The following CDH13 variants were observed in gnomAD, a reference collection of about 807,000 sequenced individuals.
CDH13 encodes the protein cadherin 13, also known as cadherin-13.
In CDH13, 24 loss-of-function variants were observed where a neutral mutation model predicts 63.8. The observed-to-expected ratio is 0.38, with a 90% CI of 0.27 to 0.53. The LOEUF is 0.53. Among genes scored for constraint, CDH13 ranks in the 20% least tolerant of loss-of-function variants. CDH13 has a pLI of 0.85. For synonymous variants in CDH13, 503 were observed against 355.3 expected (o/e 1.42, Z -4.67); for missense variants, 1,049 against 903.1 (o/e 1.16, Z -2.07).
At chr16:83,722,314 A>G (rs958335289) in intron 10 of CDH13, among the ~76,000 whole-genome samples, 22 of 152,358 alleles carry the variant, frequency 1.4e-4, no homozygotes, top group East Asian at 5.8e-4. Flanking sequence ...TGCCAGCTAC[A>G]TATGTACAGT....
intron 5 of CDH13, among the ~76,000 whole-genome samples, chr16:83,329,595 G>A (rs1349273225): frequency 6.6e-6 from 1 of 152,080 alleles, no homozygotes; most frequent in African/African-American, 2.4e-5. Flanking sequence ...GTATATTTCA[G>A]TAGTGTTAAA....
At chr16:82,803,192 C>G (rs1398558008) in intron 1 of CDH13, among the ~76,000 whole-genome samples, 2 of 152,206 alleles carry the variant, frequency 1.3e-5, no homozygotes, top group African/African-American at 2.4e-5. Context: ...GCTTACCTAC[C>G]ATGTCTTTGT....
At chr16:83,345,395 A>C (rs964911323) in intron 6 of CDH13, among the ~76,000 whole-genome samples, 2 of 152,206 alleles carry the variant, frequency 1.3e-5, no homozygotes, top group African/African-American at 4.8e-5. Flanking sequence ...TTCTTTTCAC[A>C]GTGGCCTTTT....
rs1037528146 is a variant in CDH13, at chr16:83,798,025, A to T, written c.*2995A>T. On this transcript the variant is annotated 3_prime_UTR_variant, in exon 14 of 14. Coordinates refer to ENST00000567109, the MANE Select transcript of CDH13 (RefSeq NM_001257.5). Reference sequence around the variant, plus strand: ...TTGGCCGACACCAGCAAATCTAAGCATTATAACGAAATAAATCCAGCCAGA... The same window carrying T: ...TTGGCCGACACCAGCAAATCTAAGCTTTATAACGAAATAAATCCAGCCAGA... 4 of 152,246 alleles carry T rather than the reference A, an allele frequency of 2.6e-5. No individual in the cohort carries two copies. Among genetic ancestry groups the T allele is most frequent in the African/African-American group, 9.6e-5 (4 of 41,458 alleles). The allele number at this position is 152,246 out of a possible 1,614,324, so 9.4% of individuals were successfully genotyped here.
chr16:82,852,638 A>G (rs1209985439), intron 1 of CDH13, among the ~76,000 whole-genome samples: 2 of 152,220 alleles, frequency 1.3e-5, no homozygotes, highest in African/African-American at 4.8e-5. Flanking sequence ...GACAGTTCTT[A>G]TAGCTTGAAA....
chr16:82,689,411 A>T (rs1366817487), intron 1 of CDH13, among the ~76,000 whole-genome samples: 2 of 152,212 alleles, frequency 1.3e-5, no homozygotes, highest in African/African-American at 4.8e-5. Context: ...GACTATCATT[A>T]TCATAGTCAG....
chr16:83,060,695 G>A (rs2031459261), intron 3 of CDH13, among the ~76,000 whole-genome samples: 1 of 152,198 alleles, frequency 6.6e-6, no homozygotes, highest in African/African-American at 2.4e-5. Flanking sequence ...TCACCTCACT[G>A]TGCAAATACA....
intron 1 of CDH13, among the ~76,000 whole-genome samples, chr16:82,805,993 A>C (rs755970402): frequency 2.0e-5 from 3 of 152,096 alleles, no homozygotes; most frequent in African/African-American, 7.2e-5. Flanking sequence ...CTAGGTTTCT[A>C]TCTAATTTTC....
chr16:83,253,842 AAT>A (rs1308977460), intron 5 of CDH13, among the ~76,000 whole-genome samples: 2 of 152,204 alleles, frequency 1.3e-5, no homozygotes, highest in Non-Finnish European at 2.9e-5. Context: ...ATATTAATAT[AAT>A]TAGGAAAGTG....
chr16:83,678,420 G>A lies in CDH13; in HGVS notation c.1497G>A (p.Val499=). 6.2e-7 allele frequency: 1 copy of A among 1,614,000 alleles called. No individual in the cohort carries two copies. Residue 499 remains valine, a synonymous_variant, in exon 10 of 14, where the codon GTG becomes GTA. Transcript: ENST00000567109. ...CTGTGGGCAGCGTGCTGCTGACAGT[G>A]AATGCCACGGACCCCGACTCCCTGC... ...DLSVGSVLLT[V]NATDPDSLQH... is the part of the protein sequence containing the mutation.
At chr16:83,052,302 A>G (rs1158313637) in intron 3 of CDH13, among the ~76,000 whole-genome samples, 1 of 152,244 alleles carries the variant, frequency 6.6e-6, no homozygotes, top group African/African-American at 2.4e-5. Context: ...TTCTTTGGCA[A>G]GAAGCAGCAC....
intron 5 of CDH13, among the ~76,000 whole-genome samples, chr16:83,320,399 C>T (rs950815750): frequency 1.3e-5 from 2 of 152,104 alleles, no homozygotes; most frequent in Admixed American, 1.3e-4. Flanking sequence ...GTCCCAAGAC[C>T]AATCTAGGAA....
intron 2 of CDH13, among the ~76,000 whole-genome samples, chr16:82,860,701 A>G (rs1439689242): frequency 6.6e-6 from 1 of 152,154 alleles, no homozygotes; most frequent in Non-Finnish European, 1.5e-5. Context: ...TCTCAAAGCA[A>G]TGAACATATT....
At chr16:83,788,096 C>T (rs758206891) in intron 13 of CDH13, among the ~76,000 whole-genome samples, 1 of 152,206 alleles carries the variant, frequency 6.6e-6, no homozygotes, top group Admixed American at 6.5e-5. Flanking sequence ...TGTGCACGCA[C>T]GTGTGTGTAC....
At chr16:82,804,112 C>T (rs987715806) in intron 1 of CDH13, among the ~76,000 whole-genome samples, 1 of 148,006 alleles carries the variant, frequency 6.8e-6, no homozygotes, top group South Asian at 2.1e-4. Context: ...CCTGTAGTCC[C>T]AGCTACTCAG....
At chr16:83,265,977 C>T (rs1907570983) in intron 5 of CDH13, among the ~76,000 whole-genome samples, 1 of 152,018 alleles carries the variant, frequency 6.6e-6, no homozygotes, top group Non-Finnish European at 1.5e-5. Flanking sequence ...CGCTCTGTCG[C>T]CCAGGCTAGA....
At chr16:83,308,893 A>G (rs2089938798) in intron 5 of CDH13, among the ~76,000 whole-genome samples, 1 of 152,242 alleles carries the variant, frequency 6.6e-6, no homozygotes, top group Middle Eastern at 3.2e-3. Context: ...ATCAACTAGA[A>G]GAGAGTAGGG....
intron 10 of CDH13, among the ~76,000 whole-genome samples, chr16:83,697,604 ATGT>A (rs59665137): frequency 6.9e-4 from 105 of 152,322 alleles, no homozygotes; most frequent in African/African-American, 2.5e-3. Flanking sequence ...GTTGACAAAA[ATGT>A]TGTGACCAGA....
rs573010713 is a variant in CDH13 at position 83,143,368 on chromosome 16, T to C, written c.483+17867T>C. Among the ~76,000 whole-genome samples, 5 of 152,304 alleles carry C rather than the reference T, an allele frequency of 3.3e-5. No individual in the cohort carries two copies. The South Asian group carries it at 6.2e-4, about 19-fold the overall frequency. ...CAGAAATTTAAATGTAATAAATGAA[T>C]ATGTATTCATATACATACTATAAAA... On this transcript the variant is annotated intron_variant, in intron 4 of 13. Coordinates refer to ENST00000567109, the MANE Select transcript of CDH13 (RefSeq NM_001257.5).
Sources: allele counts gnomAD v4.1 joint callset (sites outside exome capture counted in the v4.1 genomes callset), GRCh38; gene constraint gnomAD v4.1.1; transcripts MANE v1.5; gene names NCBI Gene and HGNC (gene_info 2026-07-23, HGNC 2026-07-21).